The following ZBTB20 variants were observed in gnomAD, a reference collection of about 807,000 sequenced individuals.
ZBTB20 encodes zinc finger and BTB domain containing 20.
Under a neutral mutation model 56.9 loss-of-function variants are expected in ZBTB20, and 9 were observed. That is an observed-to-expected ratio of 0.16 (90% CI 0.10 to 0.28). ZBTB20 has a LOEUF of 0.28. ZBTB20 is among the 10% of genes least tolerant of loss of function. ZBTB20 has a pLI of 1.00. For missense variants in ZBTB20, 655 were observed against 1,003.0 expected, an observed-to-expected ratio of 0.65 and a Z score of 4.69; for synonymous variants, 417 against 420.7, an observed-to-expected ratio of 0.99 and a Z score of 0.11.
At chr3:114,445,894 T>C (rs948476296) in intron 7 of ZBTB20, among the ~76,000 whole-genome samples, 2 of 152,192 alleles carry the variant, frequency 1.3e-5, no homozygotes, top group South Asian at 4.1e-4. Context: ...CTGTTCTATA[T>C]TGATCAATTA....
intron 5 of ZBTB20, among the ~76,000 whole-genome samples, chr3:114,784,017 C>T (rs1052777185): frequency 6.6e-6 from 1 of 152,082 alleles, no homozygotes; most frequent in South Asian, 2.1e-4. Flanking sequence ...TTGGTCTTTT[C>T]GTTGTGGTTC....
chr3:115,073,436 C>A (rs2108516257), intron 1 of ZBTB20, among the ~76,000 whole-genome samples: 1 of 152,276 alleles, frequency 6.6e-6, no homozygotes, highest in East Asian at 1.9e-4. Flanking sequence ...TTATTCCCGA[C>A]TCCTACCATC....
At chr3:114,851,673 G>T (rs2075007672) in intron 4 of ZBTB20, among the ~76,000 whole-genome samples, 1 of 151,586 alleles carries the variant, frequency 6.6e-6, no homozygotes. Flanking sequence ...CTTAACTTCT[G>T]ACTTTATTTT....
intron 7 of ZBTB20, among the ~76,000 whole-genome samples, chr3:114,446,467 G>A (rs2091278284): frequency 6.6e-6 from 1 of 152,098 alleles, no homozygotes; most frequent in African/African-American, 2.4e-5. Flanking sequence ...AATTCGAAAG[G>A]ATAGTTTTGT....
At chr3:114,766,940 G>A (rs1317575845) in intron 5 of ZBTB20, among the ~76,000 whole-genome samples, 1 of 151,988 alleles carries the variant, frequency 6.6e-6, no homozygotes, top group Non-Finnish European at 1.5e-5. Context: ...TGGATGAAAT[G>A]AAAAAGTGAA....
In ZBTB20 at chr3:115,081,247, T is replaced by C. The variant is rs1349395943; in HGVS notation, c.-702-9833A>G. On this transcript the variant is annotated intron_variant, in intron 1 of 11. Coordinates refer to ENST00000675478, the MANE Select transcript of ZBTB20 (RefSeq NM_001348800.3). ...CTGGGAATCACATAAATCTCAAAAT[T>C]GTTGAGTAGAACAAACTTTAACAGT... is the stretch of plus-strand genomic sequence containing the variant. Among the ~76,000 whole-genome samples the C allele has an allele frequency of 4.6e-5, 7 of 152,262 alleles. No homozygotes were observed. In the East Asian group the frequency reaches 1.2e-3, roughly 25 times the overall value.
intron 6 of ZBTB20, among the ~76,000 whole-genome samples, chr3:114,530,700 C>T (rs1657465034): frequency 6.6e-6 from 1 of 152,188 alleles, no homozygotes; most frequent in African/African-American, 2.4e-5. Flanking sequence ...GTATTAACTA[C>T]TGTCTCAAAA....
At chr3:114,491,994 T>C (rs116431835) in intron 7 of ZBTB20, among the ~76,000 whole-genome samples, 1,731 of 152,346 alleles carry the variant, frequency 0.011, 28 homozygotes, top group African/African-American at 0.034. Context: ...CTCAGTAACA[T>C]GTCACATCAC....
chr3:114,347,534 A>AT (rs200375664), intron 11 of ZBTB20, among the ~76,000 whole-genome samples: 5,981 of 152,114 alleles, frequency 0.039, 218 homozygotes, highest in African/African-American at 0.087. Context: ...TTGAGGCTCC[A>AT]TTTTTTTATG....
At chr3:114,693,067 T>G (rs957113374) in intron 6 of ZBTB20, among the ~76,000 whole-genome samples, 4 of 152,266 alleles carry the variant, frequency 2.6e-5, no homozygotes, top group African/African-American at 9.6e-5. Context: ...AAAGTATCAC[T>G]AAATGTGTTT....
chr3:115,091,602 AG>A, intron 1 of ZBTB20, among the ~76,000 whole-genome samples: 1 of 151,796 alleles, frequency 6.6e-6, no homozygotes, highest in South Asian at 2.1e-4. Flanking sequence ...ATGTTTAGGC[AG>A]GAAGTGGTAT....
chr3:114,581,491 GA>G (rs1182221123), intron 6 of ZBTB20, among the ~76,000 whole-genome samples: 1 of 151,788 alleles, frequency 6.6e-6, no homozygotes, highest in Non-Finnish European at 1.5e-5. Flanking sequence ...TACAAATTGG[GA>G]AAAAATCTTT....
intron 10 of ZBTB20, among the ~76,000 whole-genome samples, chr3:114,360,344 CTTTT>C (rs11295159): frequency 8.1e-5 from 9 of 111,762 alleles, no homozygotes; most frequent in Admixed American, 1.8e-4. Flanking sequence ...GCAAGATTTT[CTTTT>C]TTTTTTTTTT....
intron 6 of ZBTB20, among the ~76,000 whole-genome samples, chr3:114,633,151 A>C (rs1194165657): frequency 6.6e-6 from 1 of 152,246 alleles, no homozygotes; most frequent in Non-Finnish European, 1.5e-5. Flanking sequence ...GCAGGATAGG[A>C]AAATTCTAGT....
chr3:114,413,430 A>G (rs1218173891), intron 7 of ZBTB20, among the ~76,000 whole-genome samples: 4 of 152,302 alleles, frequency 2.6e-5, no homozygotes, highest in South Asian at 2.1e-4. Context: ...AAATTCATGG[A>G]TAAGTCCATA....
chr3:114,555,922 A>G (rs1471831362), intron 6 of ZBTB20, among the ~76,000 whole-genome samples: 1 of 152,150 alleles, frequency 6.6e-6, no homozygotes, highest in Non-Finnish European at 1.5e-5. Flanking sequence ...AATGGACTTA[A>G]GCAGCTTGAA....
intron 5 of ZBTB20, among the ~76,000 whole-genome samples, chr3:114,785,645 G>A (rs2070423372): frequency 6.6e-6 from 1 of 151,980 alleles, no homozygotes; most frequent in Non-Finnish European, 1.5e-5. Context: ...TTTTATTGAG[G>A]TAAAACTGAC....
chr3:115,104,679 C>T (rs890302853), intron 1 of ZBTB20, among the ~76,000 whole-genome samples: 6 of 152,064 alleles, frequency 3.9e-5, no homozygotes, highest in Non-Finnish European at 7.4e-5. Flanking sequence ...ATGGAGACAG[C>T]AAAAACTCAT....
chr3:114,372,828 A>T (rs959717387), intron 10 of ZBTB20, among the ~76,000 whole-genome samples: 1 of 152,148 alleles, frequency 6.6e-6, no homozygotes, highest in Non-Finnish European at 1.5e-5. Flanking sequence ...TGGGCAACAG[A>T]GCCAGACCCT....
Sources: allele counts gnomAD v4.1 joint callset (sites outside exome capture counted in the v4.1 genomes callset), GRCh38; gene constraint gnomAD v4.1.1; transcripts MANE v1.5; gene names NCBI Gene and HGNC (gene_info 2026-07-23, HGNC 2026-07-21).